The following PPP6R1 variants were observed in gnomAD, a reference collection of about 807,000 sequenced individuals.
PPP6R1 encodes the protein serine/threonine-protein phosphatase 6 regulatory subunit 1.
Under a neutral mutation model 104.6 loss-of-function variants are expected in PPP6R1, and 39 were observed. That is an observed-to-expected ratio of 0.37 (90% CI 0.29 to 0.49). PPP6R1 has a LOEUF of 0.49. PPP6R1 is among the 20% of genes least tolerant of loss of function. The pLI, the probability that PPP6R1 is intolerant of heterozygous loss-of-function variation, is 0.98. For synonymous variants in PPP6R1, 549 were observed against 479.0 expected (o/e 1.15, Z -1.91); for missense variants, 1,181 against 1,155.8 (o/e 1.02, Z -0.32).
downstream of PPP6R1, chr19:55,228,626 C>A: frequency 6.4e-7 from 1 of 1,566,040 alleles, no homozygotes. Flanking sequence ...CTCCCAGACC[C>A]GCCGGCTGCT....
At chr19:55,234,346 G>A (rs987558638) in intron 17 of PPP6R1, among the ~76,000 whole-genome samples, 1 of 152,210 alleles carries the variant, frequency 6.6e-6, no homozygotes, top group Non-Finnish European at 1.5e-5. Context: ...AACAGAGAGG[G>A]AAGAAACAAA....
intron 1 of PPP6R1, among the ~76,000 whole-genome samples, chr19:55,248,899 C>T (rs755609901): frequency 6.6e-6 from 1 of 152,222 alleles, no homozygotes; most frequent in Non-Finnish European, 1.5e-5. Flanking sequence ...CAGCCTGGGG[C>T]CAGGATCTCC....
At position 55,241,404 on chromosome 19, in the gene PPP6R1, G is replaced by T; in HGVS notation, c.1009-13C>A. ...GTAGCGGCTCCAGCTGCAGACACAG[G>T]GAGGCCTGATTCCCAAGGGCTGCCC... On this transcript the variant is annotated splice_polypyrimidine_tract_variant and intron_variant, in intron 8 of 23. Coordinates refer to ENST00000412770, the MANE Select transcript of PPP6R1 (RefSeq NM_014931.4). The surrounding 1 kb of genome is among the most constrained non-coding windows in gnomAD (Gnocchi z 5.4). 6.2e-7 allele frequency: 1 copy of T among 1,603,490 alleles called. No individual in the cohort carries two copies. The highest frequency in any genetic ancestry group is 8.5e-7 in the Non-Finnish European group (1 of 1,174,092).
At chr19:55,231,312 C>A in intron 21 of PPP6R1, 98 bp downstream of exon 21, 2 of 1,389,332 alleles carry the variant, frequency 1.4e-6, no homozygotes, top group South Asian at 2.5e-5. Context: ...GCAAAGGAGG[C>A]CTGGAGCAGC....
In PPP6R1 at chr19:55,230,773, C is replaced by T; in HGVS notation, c.2570+1G>A. Reference sequence around the variant, plus strand: ...CCCCGCCCTGCTGCCCTGGTGCTCACCTCTGGCTTTGGGGAAGCCCCAAGG... The same window carrying T: ...CCCCGCCCTGCTGCCCTGGTGCTCATCTCTGGCTTTGGGGAAGCCCCAAGG... On this transcript the variant is annotated splice_donor_variant, in intron 22 of 23. Coordinates refer to ENST00000412770, the MANE Select transcript of PPP6R1 (RefSeq NM_014931.4). LOFTEE classifies it high-confidence loss of function. 3 of 1,486,512 alleles carry T rather than the reference C, an allele frequency of 2.0e-6. No individual in the cohort carries two copies. The highest frequency in any genetic ancestry group is 2.7e-6 in the Non-Finnish European group (3 of 1,095,756). The allele number at this position is 1,486,512 out of a possible 1,614,324, so 92.1% of individuals were successfully genotyped here. A position where few individuals can be genotyped will look rare whatever the true frequency, so the allele number is the denominator to read the frequency against.
At chr19:55,234,762 CGA>C (rs2087380979) in intron 17 of PPP6R1, among the ~76,000 whole-genome samples, 1 of 152,158 alleles carries the variant, frequency 6.6e-6, no homozygotes, top group African/African-American at 2.4e-5. Flanking sequence ...CCCCACTGCA[CGA>C]GAGCCAGGGG....
In PPP6R1 at chr19:55,236,745, T is replaced by C; in HGVS notation, c.1886A>G (p.Glu629Gly). The part of the protein sequence containing the change: ...QFDDDEEEED[E>G]EEAQGSGESD... ...CTCCCCTGAGCCCTGGGCCTCTTCC[T>C]CGTCCTCCTCTTCCTCATCATCATC... Residue 629 changes from glutamate to glycine, a missense_variant, in exon 17 of 24, where the codon GAG (glutamate) becomes GGG (glycine). By Grantham distance (98) the Glu-to-Gly change is moderately conservative. Coordinates refer to ENST00000412770, the MANE Select transcript of PPP6R1 (RefSeq NM_014931.4). The C allele has an allele frequency of 6.2e-7, 1 of 1,613,976 alleles. No homozygotes were observed. Among genetic ancestry groups the C allele is most frequent in the Non-Finnish European group, 8.5e-7 (1 of 1,179,874 alleles).
chr19:55,241,918 G>C lies in PPP6R1; in HGVS notation c.845+248C>G, dbSNP rs1378871523. ...GCCTGTGTGGTAAGGCAGGGGCACG[G>C]GGGCCTGGGGTCCCTCCCAACACAA... On this transcript the variant is annotated intron_variant, in intron 7 of 23. Coordinates refer to ENST00000412770, the MANE Select transcript of PPP6R1 (RefSeq NM_014931.4). The surrounding 1 kb of genome is among the most constrained non-coding windows in gnomAD (Gnocchi z 5.4). Among the ~76,000 whole-genome samples, 2 of 152,122 alleles carry C rather than the reference G, an allele frequency of 1.3e-5. No homozygotes were observed. Among genetic ancestry groups the C allele is most frequent in the South Asian group, 2.1e-4 (1 of 4,828 alleles).
At chr19:55,252,239 T>A (rs77405563) in intron 1 of PPP6R1, among the ~76,000 whole-genome samples, 9,307 of 152,162 alleles carry the variant, frequency 0.061, 461 homozygotes, top group Non-Finnish European at 0.095. Flanking sequence ...ATTTATTATT[T>A]TTTTTCTTGA....
chr19:55,230,829 G>C lies in PPP6R1; in HGVS notation c.2515C>G (p.Gln839Glu), dbSNP rs762645397. The change falls in exon 22 of 24, where the codon CAG becomes GAG. Residue 839 changes from glutamine to glutamate, a missense_variant. Gln to Glu is a conservative substitution (Grantham distance 29, BLOSUM62 2). Around this residue, in one of 2 missense-constraint regions of PPP6R1, gnomAD observed 1,042 missense variants for 955.6 expected, o/e 1.09. Coordinates refer to ENST00000412770, the MANE Select transcript of PPP6R1 (RefSeq NM_014931.4). The part of the protein sequence containing the change: ...VPASGAHQPP[Q>E]TTEGEKSPEP... The stretch of plus-strand genomic sequence containing the variant: ...GGGCTCTTCTCCCCTTCTGTGGTCT[G>C]GGGGGGCTGGTGGGCCCCGGAGGCT... The C allele has an allele frequency of 4.4e-6, 7 of 1,604,090 alleles. No individual in the cohort carries two copies. The highest frequency in any genetic ancestry group is 1.3e-5 in the African/African-American group (1 of 74,534).
At position 55,242,477 on chromosome 19, in the gene PPP6R1, G is replaced by A. The variant is rs765042233; in HGVS notation, c.630C>T (p.Asn210=). 36 of 1,613,358 alleles carry A rather than the reference G, an allele frequency of 2.2e-5. No individual in the cohort carries two copies. Among genetic ancestry groups the A allele is most frequent in the African/African-American group, 1.1e-4 (8 of 74,932 alleles). The part of the protein sequence containing the change: ...HPSKDENQHS[N]ASQSLCDIIR... ...TGATGTCACACAGGGACTGGGATGCGTTGGAATGTTGCTGGAACGGGGAGA... is the reference window on the plus strand; with the variant it reads ...TGATGTCACACAGGGACTGGGATGCATTGGAATGTTGCTGGAACGGGGAGA... Residue 210 remains asparagine (N), a synonymous_variant, in exon 6 of 24, where the codon AAC becomes AAT. Coordinates refer to ENST00000412770, the MANE Select transcript of PPP6R1 (RefSeq NM_014931.4).
intron 10 of PPP6R1, among the ~76,000 whole-genome samples, 188 bp from the exon 11 acceptor site, chr19:55,240,488 C>T (rs997576191): frequency 6.6e-6 from 1 of 151,258 alleles, no homozygotes; most frequent in Non-Finnish European, 1.5e-5. Flanking sequence ...TCTCTCTGGT[C>T]TTTCTACAAA....
intron 2 of PPP6R1, among the ~76,000 whole-genome samples, chr19:55,246,637 G>A (rs982589010): frequency 1.3e-4 from 20 of 152,316 alleles, no homozygotes; most frequent in African/African-American, 4.1e-4. Flanking sequence ...ACCTGGGCCC[G>A]TGAATTTGTG....
rs759364960 is a variant in PPP6R1, at chr19:55,232,134, C to T, written c.2066G>A (p.Cys689Tyr). The change falls in exon 18 of 24, where the codon TGT (cysteine) becomes TAT (tyrosine). Residue 689 changes from cysteine (C) to tyrosine (Y), a missense_variant. By Grantham distance (194) the Cys-to-Tyr change is radical. Around this residue, in one of 2 missense-constraint regions of PPP6R1, gnomAD observed 1,042 missense variants for 955.6 expected, o/e 1.09. Coordinates refer to ENST00000412770, the MANE Select transcript of PPP6R1 (RefSeq NM_014931.4). Reference sequence around the variant, plus strand: ...AGGGGTGGCCCCTCCACGGGCTGCACAGCCAATGCCCTCCTCGTCTTCCTC... The same window carrying T: ...AGGGGTGGCCCCTCCACGGGCTGCATAGCCAATGCCCTCCTCGTCTTCCTC... Reference protein sequence around the residue: ...EEEEDEEGIGCAARGGATPLS... With the variant: ...EEEEDEEGIGYAARGGATPLS... 1.8e-5 allele frequency: 29 copies of T among 1,593,364 alleles called. No individual in the cohort carries two copies. In the African/African-American group the frequency reaches 2.5e-4, roughly 14 times the overall value.
chr19:55,241,581 G>A lies in PPP6R1; in HGVS notation c.904C>T (p.Leu302=). 1 of 1,585,294 alleles carries A rather than the reference G, an allele frequency of 6.3e-7. No homozygotes were observed. Residue 302 remains leucine, a synonymous_variant, in exon 8 of 24, where the codon CTG becomes TTG. Coordinates refer to ENST00000412770, the MANE Select transcript of PPP6R1 (RefSeq NM_014931.4). This position sits in a 1 kb window ranked among gnomAD's most constrained non-coding sequence, Gnocchi z 5.4. ...FSSVDGQLEL[L]AQGALESTVS... ...GTGCTTTCCAGGGCCCCCTGGGCCA[G>A]GAGCTCCAGCTGCCCATCCACACTG...
intron 1 of PPP6R1, among the ~76,000 whole-genome samples, chr19:55,254,190 AC>A (rs751405810): frequency 3.9e-5 from 6 of 152,154 alleles, no homozygotes; most frequent in Non-Finnish European, 8.8e-5. Flanking sequence ...GCACCCCGCC[AC>A]CCCCATTCTT....
In PPP6R1 at chr19:55,246,856, G is replaced by C. The variant is rs761512496; in HGVS notation, c.227+21C>G. 5.2e-6 allele frequency: 8 copies of C among 1,551,968 alleles called. No homozygotes were observed. The African/African-American group carries it at 9.5e-5, about 18-fold the overall frequency. On this transcript the variant is annotated intron_variant, in intron 2 of 23. Transcript: ENST00000412770. ...GTGTGATGCTGATAGGGACGGGCTG[G>C]CCAGGAGCTGGGGAACTCACTTGTA... is the stretch of plus-strand genomic sequence containing the variant.
chr19:55,257,861 CACTGA>C (rs541441225), intron 1 of PPP6R1, among the ~76,000 whole-genome samples: 79 of 152,388 alleles, frequency 5.2e-4, no homozygotes, highest in African/African-American at 1.8e-3. Flanking sequence ...GGCTTCATCT[CACTGA>C]AGCAGGCCCG....
chr19:55,244,837 C>T (rs544703569), intron 5 of PPP6R1, among the ~76,000 whole-genome samples: 145 of 152,016 alleles, frequency 9.5e-4, no homozygotes, highest in African/African-American at 3.4e-3. Context: ...CTTGACCTCC[C>T]GGCTCAAGCA....
Sources: allele counts gnomAD v4.1 joint callset (sites outside exome capture counted in the v4.1 genomes callset), GRCh38; gene constraint gnomAD v4.1.1; regional missense constraint gnomAD v4.1.1; non-coding constraint Gnocchi (gnomAD v3.1); transcripts MANE v1.5; gene names NCBI Gene and HGNC (gene_info 2026-07-23, HGNC 2026-07-21).